HSF2BP: variants seen among roughly 807,000 people sequenced by gnomAD.
The protein encoded by HSF2BP is heat shock factor 2-binding protein.
Under a neutral mutation model 35.0 loss-of-function variants are expected in HSF2BP, and 35 were observed. The ratio of observed to expected loss-of-function variants is 1.00; its 90% CI spans 0.76 to 1.32. The LOEUF (loss-of-function observed/expected upper bound fraction) is 1.32, where lower values mean the gene tolerates loss of function less well. Ranked by LOEUF, HSF2BP falls within the 40% of genes most tolerant of loss-of-function variation. HSF2BP has a pLI of 0.00. For missense variants in HSF2BP, 326 were observed against 321.7 expected, an observed-to-expected ratio of 1.01 and a Z score of -0.10; for synonymous variants, 114 against 117.4, an observed-to-expected ratio of 0.97 and a Z score of 0.18.
chr21:43,638,644 A>G (rs1225761133), intron 4 of HSF2BP, among the ~76,000 whole-genome samples: 1 of 152,248 alleles, frequency 6.6e-6, no homozygotes, highest in Non-Finnish European at 1.5e-5. Flanking sequence ...ACTGCTGATG[A>G]AAGAAATTAA....
Position 43,630,323 on chromosome 21 carries a change from C to T in HSF2BP, c.573G>A (p.Thr191=), listed in dbSNP as rs774661486. Residue 191 remains threonine (T), a splice_region_variant and synonymous_variant, in exon 6 of 9, where the codon ACG becomes ACA. Transcript: ENST00000291560. ...QFVFALAGIV[T]NVAAIACGRE... is the part of the protein sequence containing the mutation. Reference sequence around the variant, plus strand: ...TCTCTCAGGTGCGCCTGCACTTACTCGTGACAATTCCAGCCAGAGCGAAAA... The same window carrying T: ...TCTCTCAGGTGCGCCTGCACTTACTTGTGACAATTCCAGCCAGAGCGAAAA... 43 of 1,610,964 alleles carry T rather than the reference C, an allele frequency of 2.7e-5. 1 individual carries two copies. The South Asian group carries it at 3.4e-4, about 13-fold the overall frequency.
chr21:43,638,362 G>A (rs897003011), intron 4 of HSF2BP, among the ~76,000 whole-genome samples: 5 of 152,144 alleles, frequency 3.3e-5, no homozygotes, highest in African/African-American at 1.2e-4. Flanking sequence ...TGAGGCTGAG[G>A]CAGGAAAATT....
Position 43,595,202 on chromosome 21 carries a change from T to G in HSF2BP, c.693-2874A>C, listed in dbSNP as rs373503510. ...TCTTGAATGCAGGAGGCAGAGGTTA[T>G]AGTGAAGCAAGATCGCACCACTGCA... On this transcript the variant is annotated intron_variant, in intron 7 of 8. Coordinates refer to ENST00000291560, the MANE Select transcript of HSF2BP (RefSeq NM_007031.2). Among the ~76,000 whole-genome samples the G allele has an allele frequency of 5.9e-5, 9 of 152,130 alleles. No homozygotes were observed. The East Asian group carries it at 1.7e-3, about 29-fold the overall frequency.
In HSF2BP at chr21:43,609,108, C is replaced by T. The variant is rs114194206; in HGVS notation, c.692+4722G>A. 5.0e-3 allele frequency among the ~76,000 whole-genome samples: 758 copies of T among 152,384 alleles called. 8 individuals are homozygous for T. The highest frequency in any genetic ancestry group is 0.018 in the African/African-American group (729 of 41,592). On this transcript the variant is annotated intron_variant, in intron 7 of 8. Transcript: ENST00000291560. The stretch of plus-strand genomic sequence containing the variant: ...TCGCAGCCAGAAAGAAAGACCACCA[C>T]CATGTCCTTTGCAGCAACATGGATG...
chr21:43,572,250 T>A (rs2081587098), intron 8 of HSF2BP, among the ~76,000 whole-genome samples: 1 of 152,108 alleles, frequency 6.6e-6, no homozygotes, highest in Non-Finnish European at 1.5e-5. Flanking sequence ...GAGGTCCATG[T>A]GAAGGAAAGG....
intron 7 of HSF2BP, 52 bp downstream of exon 7, chr21:43,613,778 C>G: frequency 8.3e-7 from 1 of 1,202,494 alleles, no homozygotes; most frequent in Non-Finnish European, 1.2e-6. Flanking sequence ...CCAATCAGCA[C>G]AGTCTAATTA....
chr21:43,622,297 A>G (rs1011993422), intron 6 of HSF2BP, among the ~76,000 whole-genome samples: 2 of 152,212 alleles, frequency 1.3e-5, no homozygotes, highest in Non-Finnish European at 2.9e-5. Flanking sequence ...GAAACAAGCA[A>G]CAAATTAGCA....
intron 6 of HSF2BP, among the ~76,000 whole-genome samples, chr21:43,628,474 A>C (rs890300646): frequency 7.9e-5 from 12 of 152,244 alleles, no homozygotes. Flanking sequence ...GAAGGCTGAC[A>C]GGGGTAAGGA....
intron 7 of HSF2BP, among the ~76,000 whole-genome samples, chr21:43,612,812 T>A (rs1369952084): frequency 6.6e-6 from 1 of 151,978 alleles, no homozygotes; most frequent in Non-Finnish European, 1.5e-5. Context: ...TTTAAAAAAA[T>A]AATTAAAAAA....
intron 6 of HSF2BP, among the ~76,000 whole-genome samples, chr21:43,618,260 A>T (rs962600654): frequency 3.4e-5 from 5 of 147,110 alleles, no homozygotes; most frequent in East Asian, 2.0e-4. Flanking sequence ...GACCCCATTT[A>T]AAAAAAAAAA....
intron 4 of HSF2BP, 121 bp from the exon 5 acceptor site, chr21:43,633,542 T>A (rs1359860164): frequency 3.1e-6 from 3 of 959,466 alleles, no homozygotes; most frequent in Non-Finnish European, 4.4e-6. Context: ...TAGAAAATAG[T>A]TGCAAATGAA....
chr21:43,628,205 T>C (rs868813509), intron 6 of HSF2BP, among the ~76,000 whole-genome samples: 4 of 152,320 alleles, frequency 2.6e-5, no homozygotes, highest in Middle Eastern at 3.4e-3. Flanking sequence ...TTAAGCTTAG[T>C]GAAGGCATGG....
At chr21:43,648,248 C>T (rs2082735726) in intron 3 of HSF2BP, among the ~76,000 whole-genome samples, 1 of 152,176 alleles carries the variant, frequency 6.6e-6, no homozygotes, top group African/African-American at 2.4e-5. Context: ...AAGGCTCCCT[C>T]GTCCTATGGC....
intron 6 of HSF2BP, among the ~76,000 whole-genome samples, chr21:43,615,999 C>T (rs1298965146): frequency 6.8e-6 from 1 of 147,644 alleles, no homozygotes; most frequent in Non-Finnish European, 1.5e-5. Flanking sequence ...AGGTTTGTTA[C>T]ACAGCAATAG....
rs1408816684 is a variant in HSF2BP at position 43,604,911 on chromosome 21, CCA to C, written c.692+8917_692+8918del. 4.4e-5 allele frequency among the ~76,000 whole-genome samples: 5 copies of C among 113,044 alleles called. No homozygotes were observed. The East Asian group carries it at 1.5e-3, about 34-fold the overall frequency. The allele number at this position is 113,044 out of a possible 152,430, so 74.2% of individuals were successfully genotyped here. The stretch of plus-strand genomic sequence containing the variant: ...ACACACCACACACATCACACACACA[CCA>C]CAAAGACACATCACATACCACAGAC... On this transcript the variant is annotated intron_variant, in intron 7 of 8. Transcript: ENST00000291560.
intron 8 of HSF2BP, among the ~76,000 whole-genome samples, chr21:43,578,520 A>G (rs1342759410): frequency 2.0e-5 from 3 of 152,174 alleles, no homozygotes; most frequent in South Asian, 2.1e-4. Flanking sequence ...CATGGTGTCC[A>G]TTCTACACAG....
At chr21:43,575,909 G>A (rs1246522504) in intron 8 of HSF2BP, among the ~76,000 whole-genome samples, 2 of 152,212 alleles carry the variant, frequency 1.3e-5, no homozygotes, top group Non-Finnish European at 2.9e-5. Flanking sequence ...ACTGAGGCTA[G>A]GAGTTTGAGA....
At chr21:43,615,426 G>A (rs951779174) in intron 6 of HSF2BP, among the ~76,000 whole-genome samples, 4 of 152,160 alleles carry the variant, frequency 2.6e-5, no homozygotes, top group African/African-American at 9.7e-5. Flanking sequence ...TAATCTGATG[G>A]CAGAATATAA....
the HSF2BP span, among the ~76,000 whole-genome samples, chr21:43,468,005 ACAC>A: frequency 8.8e-5 from 10 of 113,460 alleles, no homozygotes; most frequent in South Asian, 3.0e-4. Flanking sequence ...CACACCACAC[ACAC>A]CACAAACCAT....
Sources: gnomAD v4.1 joint callset for allele counts (sites outside exome capture counted in the v4.1 genomes callset) on GRCh38, gnomAD v4.1.1 for gene constraint, MANE v1.5 for transcripts, NCBI Gene and HGNC (gene_info 2026-07-23, HGNC 2026-07-21) for gene names.